The following BCL9L variants were observed in gnomAD, a reference collection of about 807,000 sequenced individuals.
BCL9L encodes BCL9 like.
In BCL9L, 19 loss-of-function variants were observed where a neutral mutation model predicts 99.4. That is an observed-to-expected ratio of 0.19 (90% CI 0.13 to 0.28). The LOEUF (loss-of-function observed/expected upper bound fraction) is 0.28, where lower values mean the gene tolerates loss of function less well. Ranked by LOEUF, BCL9L falls within the 10% of genes least tolerant of loss-of-function variation. The pLI, the probability that BCL9L is intolerant of heterozygous loss-of-function variation, is 1.00. For missense variants in BCL9L, 2,023 were observed against 2,101.6 expected (o/e 0.96, Z 0.73); for synonymous variants, 900 against 854.8 (o/e 1.05, Z -0.92).
chr11:118,913,682 G>A (rs1284511217), intron 2 of BCL9L, among the ~76,000 whole-genome samples: 2 of 56,962 alleles, frequency 3.5e-5, no homozygotes, highest in Non-Finnish European at 8.1e-5. Context: ...GCCCACCCCC[G>A]CCCACCCCAC....
rs960258378 is a variant in BCL9L at position 118,901,462 on chromosome 11, C to T, written c.2281G>A (p.Val761Met). 7.4e-6 allele frequency: 12 copies of T among 1,614,132 alleles called. No individual in the cohort carries two copies. Among genetic ancestry groups the T allele is most frequent in the Non-Finnish European group, 1.0e-5 (12 of 1,179,994 alleles). The part of the protein sequence containing the change: ...PPMGQSGLRE[V>M]DPPMGPGNLN... The stretch of plus-strand genomic sequence containing the variant: ...TTGCCTGGCCCCATGGGTGGGTCCA[C>T]CTCCCTCAGCCCAGACTGCCCCATG... Residue 761 changes from valine (V) to methionine (M), a missense_variant, in exon 8 of 10, where the codon GTG (valine) becomes ATG (methionine). By Grantham distance (21) the Val-to-Met change is conservative. Transcript: ENST00000683865. This position sits in a 1 kb window ranked among gnomAD's most constrained non-coding sequence, Gnocchi z 6.6.
intron 3 of BCL9L, among the ~76,000 whole-genome samples, chr11:118,909,258 G>C (rs1404019400): frequency 1.3e-5 from 2 of 152,112 alleles, no homozygotes; most frequent in East Asian, 1.9e-4. Context: ...CAGGAGGAAA[G>C]GGGGAGGGGA....
Position 118,902,395 on chromosome 11 carries a change from G to T in BCL9L, c.1348C>A (p.Pro450Thr), listed in dbSNP as rs766714909. 1.9e-6 allele frequency: 3 copies of T among 1,541,406 alleles called. No individual in the cohort carries two copies. The Admixed American group carries it at 6.0e-5, about 31-fold the overall frequency. ...EGGPPAQAPP[P>T]PQQPPTAPPS... ...GGGGCCGTGGGTGGCTGCTGGGGGG[G>T]AGGGGGGGCTTGTGCTGGTGGGCCC... Residue 450 changes from proline (P) to threonine (T), a missense_variant, in exon 8 of 10, where the codon CCC (proline) becomes ACC (threonine). This residue lies in a region of BCL9L where 1,116 missense variants were observed against 1,194.6 expected (regional missense o/e 0.93). Transcript: ENST00000683865. The surrounding 1 kb of genome is among the most constrained non-coding windows in gnomAD (Gnocchi z 7.8).
chr11:118,910,089 G>A (rs1940715699), intron 2 of BCL9L, 74 bp from the exon 3 acceptor site: 1 of 1,054,546 alleles, frequency 9.5e-7, no homozygotes, highest in East Asian at 2.6e-5. Context: ...GAGAAGGGAG[G>A]ACCCAACAGC....
chr11:118,903,492 G>A lies in BCL9L; in HGVS notation c.533-40C>T, dbSNP rs764387513. On this transcript the variant is annotated intron_variant, in intron 5 of 9. Coordinates refer to ENST00000683865, the MANE Select transcript of BCL9L (RefSeq NM_001378213.1). The surrounding 1 kb of genome is among the most constrained non-coding windows in gnomAD (Gnocchi z 5.6). ...ACAGGGAAAGGGGCTAAGTGGTCTA[G>A]ATACAAGAAGGACCAGCTGATGCCC... 16 of 1,597,964 alleles carry A rather than the reference G, an allele frequency of 1.0e-5. No homozygotes were observed. In the South Asian group the frequency reaches 1.7e-4, roughly 17 times the overall value.
Position 118,910,411 on chromosome 11 carries a change from T to C in BCL9L, c.-76-396A>G, listed in dbSNP as rs192825756. The C allele has an allele frequency of 3.8e-3, 622 of 164,062 alleles. 7 individuals carry two copies. Among genetic ancestry groups the C allele is most frequent in the African/African-American group, 0.014 (593 of 41,892 alleles). The allele number at this position is 164,062 out of a possible 1,614,324, so 10.2% of individuals were successfully genotyped here. On this transcript the variant is annotated intron_variant, in intron 2 of 9. Transcript: ENST00000683865. ...CCCCACCCCCAGAGCGCTCCAGCCG[T>C]GGAGGGGGCCCGGGGTTGGGGCCAC...
Position 118,898,056 on chromosome 11 carries a change from T to C in BCL9L, c.*359A>G. 4.6e-6 allele frequency: 2 copies of C among 433,924 alleles called. No individual in the cohort carries two copies. Among genetic ancestry groups the C allele is most frequent in the East Asian group, 5.0e-5 (1 of 20,048 alleles). The allele number at this position is 433,924 out of a possible 1,614,324, so 26.9% of individuals were successfully genotyped here. Reference sequence around the variant, plus strand: ...GGAGACCTGACCTGTCCTTCCTCTCTCCCCCCAGATTCCCATCCAGGACTC... The same window carrying C: ...GGAGACCTGACCTGTCCTTCCTCTCCCCCCCCAGATTCCCATCCAGGACTC... On this transcript the variant is annotated 3_prime_UTR_variant, in exon 10 of 10. Coordinates refer to ENST00000683865, the MANE Select transcript of BCL9L (RefSeq NM_001378213.1).
chr11:118,917,399 G>C (rs1408741125), intron 2 of BCL9L, among the ~76,000 whole-genome samples: 1 of 152,176 alleles, frequency 6.6e-6, no homozygotes, highest in Non-Finnish European at 1.5e-5. Flanking sequence ...GAACAATCTG[G>C]TAAGAAAGTA....
chr11:118,913,198 C>G (rs1013967650), intron 2 of BCL9L, among the ~76,000 whole-genome samples: 1 of 152,170 alleles, frequency 6.6e-6, no homozygotes, highest in African/African-American at 2.4e-5. Context: ...TGCAAATCAG[C>G]CATTTTTGCT....
chr11:118,915,432 G>A (rs1157790210), intron 2 of BCL9L, among the ~76,000 whole-genome samples: 5 of 152,180 alleles, frequency 3.3e-5, no homozygotes, highest in Non-Finnish European at 5.9e-5. Context: ...GAGTGTCCAA[G>A]AGAACAGGGC....
chr11:118,911,855 G>A (rs1457587898), intron 2 of BCL9L, among the ~76,000 whole-genome samples: 1 of 152,274 alleles, frequency 6.6e-6, no homozygotes, highest in African/African-American at 2.4e-5. Context: ...CCCATAAGGG[G>A]GGAGGGGCAG....
rs1394125045 is a variant in BCL9L, at chr11:118,902,984, G to A, written c.834+6C>T. 13 of 1,595,594 alleles carry A rather than the reference G, an allele frequency of 8.1e-6. No individual in the cohort carries two copies. In the East Asian group the frequency reaches 9.0e-5, roughly 11 times the overall value. ...GTCCTGCTGCTCACAGAGGCGCCAC[G>A]CTCACCTGGTCAAGCTTGGCCCGGG... On this transcript the variant is annotated splice_donor_region_variant and intron_variant, in intron 7 of 9. Coordinates refer to ENST00000683865, the MANE Select transcript of BCL9L (RefSeq NM_001378213.1). The surrounding 1 kb of genome is among the most constrained non-coding windows in gnomAD (Gnocchi z 7.8).
intron 3 of BCL9L, 54 bp from the exon 4 acceptor site, chr11:118,908,709 G>C: frequency 6.6e-7 from 1 of 1,506,936 alleles, no homozygotes; most frequent in African/African-American, 1.4e-5. Context: ...GGCTAGGCAT[G>C]CCTGCAACTT....
Position 118,921,630 on chromosome 11 carries a change from AG to A in BCL9L, c.-130-2752del, listed in dbSNP as rs1466208261. Among the ~76,000 whole-genome samples the A allele has an allele frequency of 6.6e-6, 1 of 152,026 alleles. No individual in the cohort carries two copies. The highest frequency in any genetic ancestry group is 1.5e-5 in the Non-Finnish European group (1 of 67,980). On this transcript the variant is annotated intron_variant, in intron 1 of 9. Transcript: ENST00000683865. The surrounding 1 kb of genome is among the most constrained non-coding windows in gnomAD (Gnocchi z 5.4). ...CCTAGAATAAAACACCAGGGTTAGG[AG>A]GGGGACCAGTCCAGGGCCAAGCAGG...
At chr11:118,917,021 C>G (rs1387626377) in intron 2 of BCL9L, among the ~76,000 whole-genome samples, 1 of 152,208 alleles carries the variant, frequency 6.6e-6, no homozygotes, top group Non-Finnish European at 1.5e-5. Context: ...CCTGGGAAGC[C>G]TGAAGATAGC....
Position 118,909,904 on chromosome 11 carries a change from AC to A in BCL9L, c.26+9del, listed in dbSNP as rs754255333. On this transcript the variant is annotated intron_variant, in intron 3 of 9. Coordinates refer to ENST00000683865, the MANE Select transcript of BCL9L (RefSeq NM_001378213.1). Reference sequence around the variant, plus strand: ...ACACACACATCCCACCCGCCACGACACCCACACACCTTGTCTTGTTAGCCAG... The same window carrying A: ...ACACACACATCCCACCCGCCACGACACCACACACCTTGTCTTGTTAGCCAG... The A allele has an allele frequency of 5.0e-6, 8 of 1,613,616 alleles. No homozygotes were observed. Among genetic ancestry groups the A allele is most frequent in the African/African-American group, 1.3e-5 (1 of 74,762 alleles).
Position 118,901,745 on chromosome 11 carries a change from C to T in BCL9L, c.1998G>A (p.Ala666=), listed in dbSNP as rs373549301. The change falls in exon 8 of 10, where the codon GCG becomes GCA. Residue 666 remains alanine (A), a synonymous_variant. Coordinates refer to ENST00000683865, the MANE Select transcript of BCL9L (RefSeq NM_001378213.1). This position sits in a 1 kb window ranked among gnomAD's most constrained non-coding sequence, Gnocchi z 6.6. ...TMPYPGGQGE[A]ERFMTPRVRE... ...GGACCCGGGGAGTCATGAATCGCTCCGCCTCACCCTGCCCACCTGGGTAGG... is the reference window on the plus strand; with the variant it reads ...GGACCCGGGGAGTCATGAATCGCTCTGCCTCACCCTGCCCACCTGGGTAGG... 55 of 1,612,756 alleles carry T rather than the reference C, an allele frequency of 3.4e-5. No homozygotes were observed. The South Asian group carries it at 5.1e-4, about 15-fold the overall frequency.
At chr11:118,906,372 G>A (rs1440767080) in intron 5 of BCL9L, among the ~76,000 whole-genome samples, 1 of 152,174 alleles carries the variant, frequency 6.6e-6, no homozygotes, top group African/African-American at 2.4e-5. Flanking sequence ...CCACGGGGGA[G>A]AGAGAACTGA....
intron 4 of BCL9L, 41 bp downstream of exon 4, chr11:118,908,229 A>G: frequency 6.6e-7 from 1 of 1,517,662 alleles, no homozygotes; most frequent in African/African-American, 1.4e-5. Flanking sequence ...GCCTTGGACT[A>G]TGGGAGATGC....
Sources: gnomAD v4.1 joint callset for allele counts (sites outside exome capture counted in the v4.1 genomes callset) on GRCh38, gnomAD v4.1.1 for gene constraint, gnomAD v4.1.1 regional missense constraint, Gnocchi (gnomAD v3.1) non-coding constraint, MANE v1.5 for transcripts, NCBI Gene and HGNC (gene_info 2026-07-23, HGNC 2026-07-21) for gene names.